Variants in ROBO1 observed in about 807,000 individuals in gnomAD.
ROBO1 encodes roundabout guidance receptor 1, also known as roundabout homolog 1.
A neutral mutation model predicts 195.9 loss-of-function variants in ROBO1; 149 were observed. That is an observed-to-expected ratio of 0.76 (90% CI 0.67 to 0.87). ROBO1 has a LOEUF of 0.87. ROBO1 is among the 40% of genes least tolerant of loss of function. The probability of loss-of-function intolerance (pLI) is 0.00; values close to 1 mark genes in which losing one functional copy is unlikely to be tolerated. For missense variants in ROBO1, 1,933 were observed against 2,068.3 expected, an observed-to-expected ratio of 0.93 and a Z score of 1.27; for synonymous variants, 816 against 733.2, an observed-to-expected ratio of 1.11 and a Z score of -1.82.
intron 3 of ROBO1, among the ~76,000 whole-genome samples, chr3:78,952,666 AAAT>A (rs2040850507): frequency 1.3e-5 from 2 of 152,032 alleles, no homozygotes; most frequent in Non-Finnish European, 2.9e-5. Context: ...CTTACTGTTG[AAAT>A]AAGAAGCATA....
intron 2 of ROBO1, among the ~76,000 whole-genome samples, chr3:79,560,556 T>C (rs201027311): frequency 1.7e-5 from 2 of 119,852 alleles, no homozygotes; most frequent in African/African-American, 3.1e-5. Flanking sequence ...TATATATATA[T>C]ATACACATAC....
At chr3:79,471,117 A>T (rs1938248882) in intron 2 of ROBO1, among the ~76,000 whole-genome samples, 1 of 152,112 alleles carries the variant, frequency 6.6e-6, no homozygotes. Flanking sequence ...GAAGAAGGAA[A>T]CTGCACCCTT....
chr3:78,907,055 T>C (rs2037965641), intron 4 of ROBO1, among the ~76,000 whole-genome samples: 1 of 152,098 alleles, frequency 6.6e-6, no homozygotes, highest in African/African-American at 2.4e-5. Context: ...GCATAGCCTT[T>C]TCATATAATT....
chr3:79,256,753 A>G (rs1264391240), intron 2 of ROBO1, among the ~76,000 whole-genome samples: 1 of 152,128 alleles, frequency 6.6e-6, no homozygotes, highest in Non-Finnish European at 1.5e-5. Flanking sequence ...CTACTGATGA[A>G]GGTAAGGTAG....
chr3:79,166,027 T>C (rs998913895), intron 2 of ROBO1, among the ~76,000 whole-genome samples: 1 of 152,306 alleles, frequency 6.6e-6, no homozygotes, highest in East Asian at 1.9e-4. Flanking sequence ...CCCTTCCTGA[T>C]GGCCTGTCCT....
At chr3:79,569,671 G>GTATATA (rs1943210102) in intron 2 of ROBO1, among the ~76,000 whole-genome samples, 1 of 108,198 alleles carries the variant, frequency 9.2e-6, no homozygotes, top group African/African-American at 4.9e-5. Flanking sequence ...GTGTGTGTGT[G>GTATATA]TGTATATATG....
At chr3:78,981,114 C>T (rs111989609) in intron 3 of ROBO1, among the ~76,000 whole-genome samples, 4 of 152,170 alleles carry the variant, frequency 2.6e-5, no homozygotes, top group African/African-American at 4.8e-5. Flanking sequence ...TAAAAAAATT[C>T]GACTTTCCCA....
intron 2 of ROBO1, among the ~76,000 whole-genome samples, chr3:79,539,102 G>A (rs1360668982): frequency 6.6e-6 from 1 of 152,062 alleles, no homozygotes; most frequent in Non-Finnish European, 1.5e-5. Context: ...AATCCCATAG[G>A]TTCCCAAATA....
At chr3:79,608,648 A>T (rs1944562623) in intron 1 of ROBO1, among the ~76,000 whole-genome samples, 1 of 151,968 alleles carries the variant, frequency 6.6e-6, no homozygotes, top group Non-Finnish European at 1.5e-5. Flanking sequence ...TTTCTGAATA[A>T]ATAAAGCATT....
chr3:79,526,168 T>C (rs998355081), intron 2 of ROBO1, among the ~76,000 whole-genome samples: 57 of 152,208 alleles, frequency 3.7e-4, no homozygotes, highest in African/African-American at 1.3e-3. Flanking sequence ...TTTAAAGTAT[T>C]TTGAATCTTA....
At chr3:78,854,721 T>C (rs1041453424) in intron 4 of ROBO1, among the ~76,000 whole-genome samples, 1 of 152,108 alleles carries the variant, frequency 6.6e-6, no homozygotes, top group East Asian at 1.9e-4. Context: ...ATTGCAAATA[T>C]TAAAATTTTT....
intron 1 of ROBO1, among the ~76,000 whole-genome samples, chr3:79,633,997 T>C (rs969890569): frequency 6.6e-6 from 1 of 152,148 alleles, no homozygotes; most frequent in African/African-American, 2.4e-5. Context: ...TTAGATTCAA[T>C]AACATGTCTA....
At chr3:79,009,023 T>C (rs994676281) in intron 3 of ROBO1, among the ~76,000 whole-genome samples, 1 of 150,980 alleles carries the variant, frequency 6.6e-6, no homozygotes, top group Non-Finnish European at 1.5e-5. Context: ...TCACTGCAAC[T>C]TCTGCCTCCC....
intron 10 of ROBO1, among the ~76,000 whole-genome samples, chr3:78,682,329 T>G (rs1246736067): frequency 6.6e-6 from 1 of 151,524 alleles, no homozygotes. Context: ...TTGAAAGACA[T>G]AAAACTGTTT....
chr3:79,159,228 C>G (rs548666816), intron 2 of ROBO1, among the ~76,000 whole-genome samples: 1 of 151,934 alleles, frequency 6.6e-6, no homozygotes, highest in African/African-American at 2.4e-5. Flanking sequence ...GGAAAATGTT[C>G]TCAGTCTACC....
intron 2 of ROBO1, among the ~76,000 whole-genome samples, chr3:79,573,464 T>C (rs1168711023): frequency 1.3e-5 from 2 of 152,202 alleles, no homozygotes; most frequent in Non-Finnish European, 2.9e-5. Context: ...AGATTAGATA[T>C]ATGACAGTCT....
intron 2 of ROBO1, among the ~76,000 whole-genome samples, chr3:79,484,755 C>CTTTTGTTTTTTTTT (rs1939062171): frequency 1.5e-5 from 1 of 66,884 alleles, no homozygotes; most frequent in Non-Finnish European, 2.7e-5. Context: ...ATTGCACTAT[C>CTTTTGTTTTTTTTT]TTTTTTTTTT....
At chr3:79,659,102 T>C (rs1462929640) in intron 1 of ROBO1, among the ~76,000 whole-genome samples, 1 of 152,086 alleles carries the variant, frequency 6.6e-6, no homozygotes, top group African/African-American at 2.4e-5. Context: ...TACATCTACG[T>C]ATCATAATAT....
At chr3:79,204,547 T>C (rs879469675) in intron 2 of ROBO1, among the ~76,000 whole-genome samples, 13 of 152,130 alleles carry the variant, frequency 8.5e-5, no homozygotes, top group Admixed American at 8.5e-4. Context: ...GTGAGGATTT[T>C]TCCGAGACAT....
Sources: gnomAD v4.1 joint callset for allele counts (sites outside exome capture counted in the v4.1 genomes callset) on GRCh38, gnomAD v4.1.1 for gene constraint, MANE v1.5 for transcripts, NCBI Gene and HGNC (gene_info 2026-07-23, HGNC 2026-07-21) for gene names.